Variants in EPM2A observed in about 807,000 individuals in gnomAD.
EPM2A encodes the protein EPM2A glucan phosphatase, laforin, also known as laforin.
EPM2A carries 21 observed loss-of-function variants against 26.5 expected under a neutral mutation model. The observed-to-expected ratio is 0.79, with a 90% CI of 0.56 to 1.14. The LOEUF (loss-of-function observed/expected upper bound fraction) is 1.14. Among genes scored for constraint, EPM2A ranks in the 50% most tolerant of loss-of-function variants. EPM2A has a pLI of 0.00. For synonymous variants in EPM2A, 217 were observed against 177.6 expected, an observed-to-expected ratio of 1.22 and a Z score of -1.76; for missense variants, 458 against 440.8, an observed-to-expected ratio of 1.04 and a Z score of -0.35.
intron 2 of EPM2A, among the ~76,000 whole-genome samples, chr6:145,678,503 G>A (rs535088963): frequency 6.6e-6 from 1 of 152,244 alleles, no homozygotes; most frequent in Non-Finnish European, 1.5e-5. Context: ...CTACCCATGT[G>A]ACAAAGGTGT....
At chr6:145,676,792 A>G (rs1448730872) in intron 2 of EPM2A, among the ~76,000 whole-genome samples, 2 of 152,140 alleles carry the variant, frequency 1.3e-5, no homozygotes, top group Non-Finnish European at 2.9e-5. Flanking sequence ...AATTGATAGC[A>G]TACCAACCAA....
chr6:145,387,800 G>T (rs939378993), intron 4 of EPM2A, among the ~76,000 whole-genome samples: 4 of 152,054 alleles, frequency 2.6e-5, no homozygotes, highest in Non-Finnish European at 4.4e-5. Context: ...CCGTAGATGA[G>T]ATAAGAGTCA....
intron 4 of EPM2A, among the ~76,000 whole-genome samples, chr6:145,419,967 C>T (rs1778761068): frequency 1.3e-5 from 2 of 151,820 alleles, no homozygotes; most frequent in Non-Finnish European, 2.9e-5. Flanking sequence ...TTATTAAGGG[C>T]TGTCATTTAG....
chr6:145,556,042 A>AT (rs887648679), intron 2 of EPM2A, among the ~76,000 whole-genome samples: 1 of 152,042 alleles, frequency 6.6e-6, no homozygotes, highest in African/African-American at 2.4e-5. Flanking sequence ...AGATTCCATT[A>AT]TTTTTTTCTC....
chr6:145,384,787 G>A (rs948145585), intron 4 of EPM2A, among the ~76,000 whole-genome samples: 1 of 147,308 alleles, frequency 6.8e-6, no homozygotes, highest in Non-Finnish European at 1.5e-5. Context: ...CACTAACAGA[G>A]GTCAAAAAAG....
At chr6:145,546,123 CTGCAGAACTAGGGA>C (rs1780580570) in intron 2 of EPM2A, among the ~76,000 whole-genome samples, 1 of 152,134 alleles carries the variant, frequency 6.6e-6, no homozygotes, top group Non-Finnish European at 1.5e-5. Context: ...CATCTGCAAG[CTGCAGAACTAGGGA>C]TGCCAGTGGC....
chr6:145,607,789 G>A (rs758297464), intron 2 of EPM2A, among the ~76,000 whole-genome samples: 14 of 152,150 alleles, frequency 9.2e-5, no homozygotes, highest in African/African-American at 1.4e-4. Context: ...AAAGAGATAC[G>A]TTACTGTTCT....
intron 4 of EPM2A, among the ~76,000 whole-genome samples, chr6:145,403,928 T>G (rs545747257): frequency 1.3e-5 from 2 of 152,132 alleles, no homozygotes; most frequent in Non-Finnish European, 2.9e-5. Context: ...CAGCATTCAT[T>G]ATTGCCTGTC....
At chr6:145,732,264 A>G (rs1776534723) in intron 1 of EPM2A, among the ~76,000 whole-genome samples, 1 of 147,000 alleles carries the variant, frequency 6.8e-6, no homozygotes, top group African/African-American at 2.6e-5. Flanking sequence ...AGGGAGAGGA[A>G]TGTGTAAGTA....
intron 1 of EPM2A, among the ~76,000 whole-genome samples, chr6:145,730,599 G>C (rs140418772): frequency 6.6e-6 from 1 of 152,332 alleles, no homozygotes; most frequent in African/African-American, 2.4e-5. Flanking sequence ...AAGAGAGTGA[G>C]AGCTAGAAAG....
chr6:145,559,391 T>G (rs1222522305), intron 2 of EPM2A, among the ~76,000 whole-genome samples: 1 of 152,120 alleles, frequency 6.6e-6, no homozygotes, highest in African/African-American at 2.4e-5. Flanking sequence ...CTTGACTATG[T>G]GATTTTGGCC....
intron 2 of EPM2A, among the ~76,000 whole-genome samples, chr6:145,589,967 C>T (rs1202098333): frequency 3.3e-5 from 5 of 151,282 alleles, no homozygotes; most frequent in African/African-American, 1.2e-4. Context: ...ATCTGAAAAT[C>T]AACAATCTCT....
chr6:145,599,971 A>G (rs1349121544), intron 2 of EPM2A, among the ~76,000 whole-genome samples: 3 of 152,086 alleles, frequency 2.0e-5, no homozygotes, highest in East Asian at 1.9e-4. Flanking sequence ...AGTTTATGTT[A>G]TAAAGTTTTG....
chr6:145,501,041 G>A (rs1029906810), downstream of EPM2A, among the ~76,000 whole-genome samples: 5 of 152,230 alleles, frequency 3.3e-5, no homozygotes, highest in South Asian at 8.3e-4. Flanking sequence ...TATAATATTT[G>A]TAATAATGCC....
chr6:145,583,233 GC>G (rs1781139557), intron 2 of EPM2A, among the ~76,000 whole-genome samples: 1 of 152,136 alleles, frequency 6.6e-6, no homozygotes, highest in Non-Finnish European at 1.5e-5. Context: ...AGACACTCTG[GC>G]TTTTTGAGTT....
At position 145,476,337 on chromosome 6, in the gene EPM2A, C is replaced by T. The variant is rs560395002; in HGVS notation, c.555+26185G>A. Among the ~76,000 whole-genome samples the T allele has an allele frequency of 1.2e-4, 18 of 152,128 alleles. No individual in the cohort carries two copies. The South Asian group carries it at 3.3e-3, about 28-fold the overall frequency. On this transcript the variant is annotated intron_variant, in intron 4 of 4. Transcript: ENST00000638717. ...AGGCCCCAATACAATACAATATTAA[C>T]TGGAGACTTCAATACCCCACTTTCA...
intron 1 of EPM2A, among the ~76,000 whole-genome samples, chr6:145,688,391 G>A (rs1034742421): frequency 2.6e-5 from 4 of 152,154 alleles, no homozygotes; most frequent in African/African-American, 9.7e-5. Flanking sequence ...GATGAAAGGG[G>A]ATTAACAATG....
chr6:145,715,381 T>C (rs1775558819), intron 1 of EPM2A, among the ~76,000 whole-genome samples: 2 of 152,124 alleles, frequency 1.3e-5, no homozygotes, highest in South Asian at 2.1e-4. Context: ...ACAAAGGACC[T>C]GGAGAGAACC....
intron 4 of EPM2A, among the ~76,000 whole-genome samples, chr6:145,451,010 T>C (rs182752147): frequency 1.5e-3 from 230 of 152,348 alleles, no homozygotes; most frequent in African/African-American, 5.1e-3. Context: ...ATTAGGTGTT[T>C]GCTTGGCAGA....
Sources: gnomAD v4.1 joint callset for allele counts (sites outside exome capture counted in the v4.1 genomes callset) on GRCh38, gnomAD v4.1.1 for gene constraint, MANE v1.5 for transcripts, NCBI Gene and HGNC (gene_info 2026-07-23, HGNC 2026-07-21) for gene names.